Variants in PTPRD observed in about 807,000 individuals in gnomAD.
PTPRD encodes the protein protein tyrosine phosphatase receptor type D.
In PTPRD, 34 loss-of-function variants were observed where a neutral mutation model predicts 214.5. The ratio of observed to expected loss-of-function variants is 0.16; its 90% CI spans 0.12 to 0.21. The LOEUF is 0.21. Among genes scored for constraint, PTPRD ranks in the 10% least tolerant of loss-of-function variants. The pLI is 1.00. For synonymous variants in PTPRD, 1,128 were observed against 845.7 expected, an observed-to-expected ratio of 1.33 and a Z score of -5.79; for missense variants, 2,545 against 2,398.7, an observed-to-expected ratio of 1.06 and a Z score of -1.27.
intron 6 of PTPRD, among the ~76,000 whole-genome samples, chr9:9,759,146 C>T (rs1330967037): frequency 6.6e-6 from 1 of 152,120 alleles, no homozygotes; most frequent in Non-Finnish European, 1.5e-5. Context: ...GCAAGCAGGT[C>T]CCTAGCTCCT....
intron 2 of PTPRD, among the ~76,000 whole-genome samples, chr9:10,420,159 A>G (rs758074757): frequency 2.0e-5 from 3 of 151,980 alleles, no homozygotes; most frequent in Admixed American, 6.6e-5. Context: ...AGAAGCTATC[A>G]TTTTTTGGAT....
chr9:9,840,475 T>A (rs189343885), intron 5 of PTPRD, among the ~76,000 whole-genome samples: 10 of 152,294 alleles, frequency 6.6e-5, no homozygotes, highest in African/African-American at 2.2e-4. Context: ...AAATGTGATT[T>A]GCCTAATAAT....
intron 9 of PTPRD, among the ~76,000 whole-genome samples, chr9:9,330,905 CTT>C (rs76927520): frequency 3.6e-5 from 5 of 140,100 alleles, no homozygotes; most frequent in Admixed American, 7.2e-5. Flanking sequence ...AAAAGAAGAG[CTT>C]TTTTTTTTTT....
At position 8,636,778 on chromosome 9, in the gene PTPRD, A is replaced by G. The variant is rs762640935; in HGVS notation, c.131T>C (p.Ile44Thr). ...TCTTGGGTCTCCCGTAGCTTGGCAG[A>G]TGAAAGAGGCAACTCCGCCAGAGAC... ...TGVSGGVASF[I>T]CQATGDPRPK... is the part of the protein sequence containing the mutation. The change falls in exon 13 of 46, where the codon ATC (isoleucine) becomes ACC (threonine). Residue 44 changes from isoleucine (I) to threonine (T), a missense_variant. Ile to Thr is a moderately conservative substitution (Grantham distance 89). Transcript: ENST00000381196. 2 of 1,613,936 alleles carry G rather than the reference A, an allele frequency of 1.2e-6. No homozygotes were observed. The highest frequency in any genetic ancestry group is 1.1e-5 in the South Asian group (1 of 91,078).
intron 10 of PTPRD, among the ~76,000 whole-genome samples, chr9:9,174,845 C>G (rs2099923658): frequency 6.6e-6 from 1 of 151,878 alleles, no homozygotes; most frequent in African/African-American, 2.4e-5. Flanking sequence ...GTGAGATTTG[C>G]TTTGGACTGA....
chr9:10,080,012 C>T (rs2098208502), intron 3 of PTPRD, among the ~76,000 whole-genome samples: 1 of 147,848 alleles, frequency 6.8e-6, no homozygotes. Context: ...ACAGAATAAA[C>T]AAGGAATTTT....
chr9:10,363,995 T>C (rs2097453207), intron 2 of PTPRD, among the ~76,000 whole-genome samples: 1 of 58,806 alleles, frequency 1.7e-5, no homozygotes, highest in Non-Finnish European at 4.8e-5. Context: ...TTTCGGGTTT[T>C]TTTTTTTTTT....
At chr9:9,634,783 T>C (rs925063633) in intron 7 of PTPRD, among the ~76,000 whole-genome samples, 2 of 152,168 alleles carry the variant, frequency 1.3e-5, no homozygotes, top group Non-Finnish European at 2.9e-5. Context: ...GAGTTAAGTG[T>C]ATAATATAAC....
chr9:9,492,936 A>G (rs1416701091), intron 8 of PTPRD, among the ~76,000 whole-genome samples: 1 of 146,266 alleles, frequency 6.8e-6, no homozygotes, highest in Non-Finnish European at 1.5e-5. Flanking sequence ...GGCACCATGA[A>G]CCCAACCCAT....
chr9:9,617,143 G>A (rs2094922958), intron 7 of PTPRD, among the ~76,000 whole-genome samples: 2 of 152,180 alleles, frequency 1.3e-5, no homozygotes, highest in African/African-American at 2.4e-5. Context: ...TATTCTGGGA[G>A]TTTTATATTT....
chr9:8,731,157 A>T (rs1210652763), intron 12 of PTPRD, among the ~76,000 whole-genome samples: 5 of 152,212 alleles, frequency 3.3e-5, no homozygotes, highest in African/African-American at 1.2e-4. Context: ...CATTCTATAC[A>T]GCAGATTATA....
At chr9:10,280,324 G>C (rs548998375) in intron 3 of PTPRD, among the ~76,000 whole-genome samples, 222 of 149,838 alleles carry the variant, frequency 1.5e-3, no homozygotes, top group African/African-American at 5.0e-3. Context: ...ATGAGAAGTA[G>C]ATGAAGTAGG....
intron 2 of PTPRD, among the ~76,000 whole-genome samples, chr9:10,467,557 A>G (rs1377061036): frequency 3.9e-5 from 6 of 152,192 alleles, no homozygotes; most frequent in African/African-American, 1.4e-4. Flanking sequence ...TATTACTTAC[A>G]CAAAATTTTT....
intron 8 of PTPRD, among the ~76,000 whole-genome samples, chr9:9,501,853 A>T (rs1195913940): frequency 6.6e-6 from 1 of 152,000 alleles, no homozygotes; most frequent in East Asian, 1.9e-4. Context: ...AAAATATAGT[A>T]AACGGAAAAA....
intron 43 of PTPRD, among the ~76,000 whole-genome samples, chr9:8,332,387 C>CATATGACTGTGCTGTTAAGTGGGAAGT (rs1842350988): frequency 6.6e-6 from 1 of 152,108 alleles, no homozygotes; most frequent in Non-Finnish European, 1.5e-5. Context: ...TAGCATGAAC[C>CATATGACTGTGCTGTTAAGTGGGAAGT]ATATGACTGT....
At chr9:10,487,104 T>C (rs1303323122) in intron 2 of PTPRD, among the ~76,000 whole-genome samples, 1 of 152,200 alleles carries the variant, frequency 6.6e-6, no homozygotes, top group Admixed American at 6.5e-5. Context: ...CTATTTGGTA[T>C]CACGAGTATA....
At chr9:9,822,992 G>C (rs542298421) in intron 5 of PTPRD, among the ~76,000 whole-genome samples, 2 of 152,058 alleles carry the variant, frequency 1.3e-5, no homozygotes, top group African/African-American at 4.8e-5. Flanking sequence ...AAGAAAATCA[G>C]TATACTGAAG....
intron 4 of PTPRD, among the ~76,000 whole-genome samples, chr9:9,965,273 A>G (rs1038482034): frequency 2.6e-5 from 4 of 152,188 alleles, no homozygotes; most frequent in Non-Finnish European, 5.9e-5. Flanking sequence ...GAGTGGATGC[A>G]GCAGGTAGAT....
At chr9:9,401,027 A>T (rs765934747) in intron 8 of PTPRD, among the ~76,000 whole-genome samples, 7 of 152,182 alleles carry the variant, frequency 4.6e-5, no homozygotes, top group Non-Finnish European at 1.0e-4. Context: ...TGGAAAATAC[A>T]GTGAAGAAAA....
Sources: gnomAD v4.1 joint callset for allele counts (sites outside exome capture counted in the v4.1 genomes callset) on GRCh38, gnomAD v4.1.1 for gene constraint, MANE v1.5 for transcripts, NCBI Gene and HGNC (gene_info 2026-07-23, HGNC 2026-07-21) for gene names.